Variants in STK3 observed in about 807,000 individuals in gnomAD.
The protein encoded by STK3 is serine/threonine-protein kinase 3.
A neutral mutation model predicts 58.0 loss-of-function variants in STK3; 41 were observed. The observed-to-expected ratio is 0.71, with a 90% CI of 0.55 to 0.92. STK3 has a LOEUF of 0.92. Ranked by LOEUF, STK3 falls within the 40% of genes least tolerant of loss-of-function variation. STK3 has a pLI of 0.00. For synonymous variants in STK3, 170 were observed against 191.0 expected, an observed-to-expected ratio of 0.89 and a Z score of 0.91; for missense variants, 479 against 602.7, an observed-to-expected ratio of 0.79 and a Z score of 2.15.
At chr8:98,410,763 C>T (rs116686993) in intron 3 of STK3, among the ~76,000 whole-genome samples, 1 of 152,198 alleles carries the variant, frequency 6.6e-6, no homozygotes, top group African/African-American at 2.4e-5. Flanking sequence ...CACAAACACA[C>T]AGACATTTGC....
At chr8:98,348,322 AAAAG>A in the STK3 span, among the ~76,000 whole-genome samples, 4 of 152,240 alleles carry the variant, frequency 2.6e-5, no homozygotes, top group African/African-American at 9.6e-5. Flanking sequence ...TAATAAAAGA[AAAAG>A]AAAGAAAGAA....
chr8:98,720,977 C>A (rs982611341), intron 4 of STK3: 1 of 514,812 alleles, frequency 1.9e-6, no homozygotes, highest in Admixed American at 6.4e-5. Context: ...GAGTACCTGC[C>A]CCAGCTCAGC....
intron 1 of STK3, among the ~76,000 whole-genome samples, chr8:98,820,235 A>G (rs2131727120): frequency 6.6e-6 from 1 of 152,236 alleles, no homozygotes; most frequent in Non-Finnish European, 1.5e-5. Flanking sequence ...CTACCCTTTC[A>G]CACTATTAAA....
intron 3 of STK3, among the ~76,000 whole-genome samples, chr8:98,761,822 T>TTTTA (rs761072752): frequency 1.4e-3 from 220 of 152,032 alleles, no homozygotes; most frequent in East Asian, 5.0e-3. Flanking sequence ...ACTTTTGATT[T>TTTTA]TTTATTTATT....
At chr8:98,500,674 T>A (rs1435460876) in intron 10 of STK3, among the ~76,000 whole-genome samples, 2 of 152,154 alleles carry the variant, frequency 1.3e-5, no homozygotes, top group Non-Finnish European at 1.5e-5. Flanking sequence ...TTTTCCGTCC[T>A]TGTGACAGTT....
intron 4 of STK3, among the ~76,000 whole-genome samples, chr8:98,735,463 C>T (rs1828506675): frequency 6.6e-6 from 1 of 152,086 alleles, no homozygotes; most frequent in Non-Finnish European, 1.5e-5. Context: ...GATACGAGGA[C>T]TTGAGCTGTG....
At chr8:98,854,129 ATATTTATT>A (rs542032878) in intron 3 of STK3, among the ~76,000 whole-genome samples, 12 of 151,852 alleles carry the variant, frequency 7.9e-5, no homozygotes, top group African/African-American at 1.2e-4. Context: ...AAGTAAAACT[ATATTTATT>A]TATTTATTTA....
intron 3 of STK3, among the ~76,000 whole-genome samples, chr8:98,426,429 C>T (rs985235166): frequency 2.8e-4 from 42 of 152,228 alleles, no homozygotes; most frequent in Non-Finnish European, 5.9e-4. Flanking sequence ...GCACACCACA[C>T]CGGCCTGGAC....
At chr8:98,737,009 T>C (rs971668061) in intron 4 of STK3, among the ~76,000 whole-genome samples, 14 of 152,200 alleles carry the variant, frequency 9.2e-5, no homozygotes, top group African/African-American at 3.4e-4. Flanking sequence ...CAGAACAGGA[T>C]TATGCTGTCA....
chr8:98,901,635 G>A lies in STK3; in HGVS notation c.-78-17801C>T, dbSNP rs73279714. ...ACAGGGCAGATCTGGTCACTGCTGG[G>A]ATGTGTGGGCTGTGCCCACCTGCTC... On this transcript the variant is annotated intron_variant, in intron 1 of 1. Transcript: ENST00000519420. Among the ~76,000 whole-genome samples the A allele has an allele frequency of 6.3e-3, 954 of 152,362 alleles. 9 individuals are homozygous for A. The highest frequency in any genetic ancestry group is 0.037 in the Middle Eastern group (11 of 294).
intron 6 of STK3, among the ~76,000 whole-genome samples, chr8:98,656,944 C>G (rs1172631560): frequency 1.3e-5 from 2 of 152,012 alleles, no homozygotes; most frequent in Non-Finnish European, 1.5e-5. Flanking sequence ...GGTTGAGTCA[C>G]TCATTCATTT....
At position 98,428,706 on chromosome 8, in the gene STK3, G is replaced by A. The variant is rs763254980; in HGVS notation, n.483+5421C>T. On this transcript the variant is annotated intron_variant and non_coding_transcript_variant, in intron 3 of 3. Coordinates refer to the STK3 transcript ENST00000517832. The surrounding 1 kb of genome is among the most constrained non-coding windows in gnomAD (Gnocchi z 6.7). Reference sequence around the variant, plus strand: ...CATTGCCTGGTTCACATTTGAGCTGGTGGCCAGGTTTGCTGTGGCCCCTGA... The same window carrying A: ...CATTGCCTGGTTCACATTTGAGCTGATGGCCAGGTTTGCTGTGGCCCCTGA... The A allele has an allele frequency of 1.2e-6, 2 of 1,614,228 alleles. No individual in the cohort carries two copies. The highest frequency in any genetic ancestry group is 2.2e-5 in the East Asian group (1 of 44,884).
At chr8:98,618,564 C>T (rs1316109272) in intron 6 of STK3, among the ~76,000 whole-genome samples, 2 of 148,510 alleles carry the variant, frequency 1.3e-5, no homozygotes, top group Non-Finnish European at 3.0e-5. Context: ...TCTAGAAAAC[C>T]CCATTGTCTC....
Position 98,906,990 on chromosome 8 carries a change from A to T in STK3, c.-78-23156T>A, listed in dbSNP as rs1189605823. Among the ~76,000 whole-genome samples, 4 of 113,358 alleles carry T rather than the reference A, an allele frequency of 3.5e-5. No individual in the cohort carries two copies. In the South Asian group the frequency reaches 8.5e-4, roughly 24 times the overall value. 74.4% of individuals were successfully genotyped at this position (113,358 alleles called of 152,430 possible). A position where few individuals can be genotyped will look rare whatever the true frequency, so the allele number is the denominator to read the frequency against. ...TAGGGATAACCCCATCTCTACCAAT[A>T]AAAAAAAAAAAAAAAAAATTAGCCA... On this transcript the variant is annotated intron_variant, in intron 1 of 1. Transcript: ENST00000519420.
intron 6 of STK3, among the ~76,000 whole-genome samples, chr8:98,615,214 A>G (rs1817593356): frequency 6.6e-6 from 1 of 151,278 alleles, no homozygotes; most frequent in African/African-American, 2.4e-5. Flanking sequence ...GACACCTCAC[A>G]CGGCAGGGTA....
chr8:98,587,066 T>C (rs1814690582), intron 7 of STK3, among the ~76,000 whole-genome samples: 1 of 152,152 alleles, frequency 6.6e-6, no homozygotes, highest in Admixed American at 6.5e-5. Flanking sequence ...ATTCGTTAAT[T>C]TTTTGAAGGG....
intron 10 of STK3, among the ~76,000 whole-genome samples, chr8:98,522,076 A>T (rs566962768): frequency 9.2e-5 from 14 of 152,306 alleles, no homozygotes; most frequent in African/African-American, 3.1e-4. Context: ...AAATTTTGGA[A>T]TTTCCAGATA....
intron 6 of STK3, among the ~76,000 whole-genome samples, chr8:98,705,991 G>A (rs1825937226): frequency 6.6e-6 from 1 of 151,494 alleles, no homozygotes; most frequent in Non-Finnish European, 1.5e-5. Context: ...TCCTTTATAT[G>A]TGCATAGTAA....
At chr8:98,758,722 C>T (rs780045779) in intron 3 of STK3, among the ~76,000 whole-genome samples, 7 of 152,220 alleles carry the variant, frequency 4.6e-5, no homozygotes, top group Non-Finnish European at 8.8e-5. Flanking sequence ...AAGGCTGTTT[C>T]GTCTACATTG....
Sources: allele counts gnomAD v4.1 joint callset (sites outside exome capture counted in the v4.1 genomes callset), GRCh38; gene constraint gnomAD v4.1.1; non-coding constraint Gnocchi (gnomAD v3.1); transcripts MANE v1.5; gene names NCBI Gene and HGNC (gene_info 2026-07-23, HGNC 2026-07-21).